Variants in YIF1B observed in about 807,000 individuals in gnomAD.
YIF1B encodes the protein protein YIF1B.
YIF1B carries 24 observed loss-of-function variants against 34.6 expected under a neutral mutation model. The observed-to-expected ratio is 0.69, with a 90% CI of 0.50 to 0.98. YIF1B has a LOEUF of 0.98. Ranked by LOEUF, YIF1B falls within the 50% of genes least tolerant of loss-of-function variation. YIF1B has a pLI of 0.00. For missense variants in YIF1B, 368 were observed against 429.4 expected, an observed-to-expected ratio of 0.86 and a Z score of 1.26; for synonymous variants, 186 against 184.8, an observed-to-expected ratio of 1.01 and a Z score of -0.05.
rs979320421 is a variant in YIF1B, at chr19:38,315,542, G to A, written c.58+318C>T. 13 of 1,459,176 alleles carry A rather than the reference G, an allele frequency of 8.9e-6. No homozygotes were observed. In the African/African-American group the frequency reaches 1.4e-4, roughly 16 times the overall value. 90.4% of individuals were successfully genotyped at this position (1,459,176 alleles called of 1,614,324 possible). On this transcript the variant is annotated intron_variant, in intron 1 of 7. Coordinates refer to ENST00000339413, the MANE Select transcript of YIF1B (RefSeq NM_001039672.3). The stretch of plus-strand genomic sequence containing the variant: ...GCCACGAAGCTGTCCTAAGGGTGTG[G>A]GCGACAGCAGGCGGGTACTGGGGAG...
At chr19:38,315,505 C>A (rs1034756915) in intron 1 of YIF1B, 3 of 1,402,632 alleles carry the variant, frequency 2.1e-6, no homozygotes, top group Non-Finnish European at 2.8e-6. Flanking sequence ...TGGCCCTCTG[C>A]GCTCCCGGGG....
In YIF1B at chr19:38,304,533, G is replaced by C. The variant is rs1473046945; in HGVS notation, c.*819C>G. The C allele has an allele frequency of 5.1e-6, 8 of 1,576,978 alleles. No homozygotes were observed. The highest frequency in any genetic ancestry group is 1.7e-4 in the Middle Eastern group (1 of 6,012). Reference sequence around the variant, plus strand: ...CGGCTGCGGAGGGGCGGGAAGGCTGGGGTTGCCCCTGACCCCAGGGTCCTG... The same window carrying C: ...CGGCTGCGGAGGGGCGGGAAGGCTGCGGTTGCCCCTGACCCCAGGGTCCTG... On this transcript the variant is annotated 3_prime_UTR_variant, in exon 8 of 8. Transcript: ENST00000339413.
upstream of YIF1B, among the ~76,000 whole-genome samples, chr19:38,317,505 C>A (rs909978172): frequency 6.6e-6 from 1 of 152,210 alleles, no homozygotes; most frequent in Non-Finnish European, 1.5e-5. Context: ...ACCATTTTCT[C>A]CTCATCCTCA....
At chr19:38,316,297 G>T (rs1369523188), upstream of YIF1B, among the ~76,000 whole-genome samples, 1 of 151,904 alleles carries the variant, frequency 6.6e-6, no homozygotes, top group African/African-American at 2.4e-5. Context: ...CTTCAGCCCA[G>T]GGATTCGAGA....
chr19:38,315,702 C>T (rs1005408290), intron 1 of YIF1B, 158 bp downstream of exon 1: 1 of 1,607,778 alleles, frequency 6.2e-7, no homozygotes, highest in African/African-American at 1.3e-5. Context: ...AATCGCCCCC[C>T]AAGGGGCCTC....
At chr19:38,308,953 G>A in intron 4 of YIF1B, 26 bp downstream of exon 4, 1 of 1,611,052 alleles carries the variant, frequency 6.2e-7, no homozygotes, top group Non-Finnish European at 8.5e-7. Context: ...GAGAGAGGAG[G>A]GTGCAGGGTA....
rs1432398890 is a variant in YIF1B, at chr19:38,304,996, T to A, written c.*356A>T. ...CTGGACAGGGCTCATTAAACCTTCC[T>A]CTCTGCCTTCTGCGACTGGTCAGCG... On this transcript the variant is annotated 3_prime_UTR_variant, in exon 8 of 8. Coordinates refer to ENST00000339413, the MANE Select transcript of YIF1B (RefSeq NM_001039672.3). The A allele has an allele frequency of 1.3e-6, 2 of 1,567,386 alleles. No homozygotes were observed. Among genetic ancestry groups the A allele is most frequent in the Admixed American group, 3.8e-5 (2 of 52,316 alleles).
Position 38,304,441 on chromosome 19 carries a change from C to G in YIF1B, c.*911G>C. 2 of 1,559,400 alleles carry G rather than the reference C, an allele frequency of 1.3e-6. No individual in the cohort carries two copies. The highest frequency in any genetic ancestry group is 1.7e-6 in the Non-Finnish European group (2 of 1,152,298). On this transcript the variant is annotated 3_prime_UTR_variant, in exon 8 of 8. Transcript: ENST00000339413. ...CACGGGGGAGATCCCAAGCTCAGTC[C>G]CCACAAAGTTCAGGGCCGGTCGGAG...
In YIF1B at chr19:38,307,770, C is replaced by A. The variant is rs374586487; in HGVS notation, c.540-18G>T. On this transcript the variant is annotated intron_variant, in intron 5 of 7. Coordinates refer to ENST00000339413, the MANE Select transcript of YIF1B (RefSeq NM_001039672.3). The stretch of plus-strand genomic sequence containing the variant: ...GGGAGAACCTGCAGGCACAAAGCCC[C>A]GCCACTTGGTTGGCTGGTTCAGACC... 1 of 1,610,708 alleles carries A rather than the reference C, an allele frequency of 6.2e-7. No individual in the cohort carries two copies. Among genetic ancestry groups the A allele is most frequent in the East Asian group, 2.2e-5 (1 of 44,812 alleles).
Position 38,304,577 on chromosome 19 carries a change from A to AG in YIF1B, c.*774dup. 2.5e-6 allele frequency: 4 copies of AG among 1,610,668 alleles called. No individual in the cohort carries two copies. Among genetic ancestry groups the AG allele is most frequent in the African/African-American group, 1.3e-5 (1 of 75,012 alleles). ...GGTCCTGCCTTAGGCCTCCAACTTC[A>AG]GGGGGCTGGGTAAGGGGCGCCGCCT... is the stretch of plus-strand genomic sequence containing the variant. On this transcript the variant is annotated 3_prime_UTR_variant, in exon 8 of 8. Transcript: ENST00000339413.
At position 38,305,111 on chromosome 19, in the gene YIF1B, C is replaced by A; in HGVS notation, c.*241G>T. On this transcript the variant is annotated 3_prime_UTR_variant, in exon 8 of 8. Coordinates refer to ENST00000339413, the MANE Select transcript of YIF1B (RefSeq NM_001039672.3). The stretch of plus-strand genomic sequence containing the variant: ...TGCGCGAGGCCAAGGAGAGGCTGTC[C>A]ACGCCATGCCCATCAGGGTTTATTG... The A allele has an allele frequency of 6.9e-7, 1 of 1,454,528 alleles. No homozygotes were observed. The highest frequency in any genetic ancestry group is 9.2e-7 in the Non-Finnish European group (1 of 1,090,392). The allele number at this position is 1,454,528 out of a possible 1,614,324, so 90.1% of individuals were successfully genotyped here.
At chr19:38,315,204 C>T (rs993031837) in intron 1 of YIF1B, among the ~76,000 whole-genome samples, 3 of 149,450 alleles carry the variant, frequency 2.0e-5, no homozygotes, top group African/African-American at 7.4e-5. Flanking sequence ...GAGATCGCGC[C>T]ATTGCACTCC....
upstream of YIF1B, among the ~76,000 whole-genome samples, chr19:38,318,029 C>G (rs1202294212): frequency 6.6e-6 from 1 of 150,904 alleles, no homozygotes; most frequent in Admixed American, 6.6e-5. Context: ...CCTGTCTCTA[C>G]TTAAAATACA....
Position 38,305,499 on chromosome 19 carries a change from C to A in YIF1B, c.798G>T (p.Thr266=). 6.2e-7 allele frequency: 1 copy of A among 1,603,256 alleles called. No homozygotes were observed. The highest frequency in any genetic ancestry group is 8.5e-7 in the Non-Finnish European group (1 of 1,172,492). Residue 266 remains threonine (T), a synonymous_variant, in exon 8 of 8, where the codon ACG becomes ACT. Transcript: ENST00000339413. Reference sequence around the variant, plus strand: ...CGTCTGCCAAGATCTTCAGCCGCAGCGTCCGGATCTGGGTGGGAAAGAGAG... The same window carrying A: ...CGTCTGCCAAGATCTTCAGCCGCAGAGTCCGGATCTGGGTGGGAAAGAGAG... ...CVAIFVFMIR[T]LRLKILADAA...
At position 38,309,489 on chromosome 19, in the gene YIF1B, G is replaced by C; in HGVS notation, c.213C>G (p.Ala71=). The C allele has an allele frequency of 6.2e-7, 1 of 1,613,586 alleles. No individual in the cohort carries two copies. The highest frequency in any genetic ancestry group is 1.1e-5 in the South Asian group (1 of 91,036). ...YPAASPTPHA[A]FLADPVSNMA... The stretch of plus-strand genomic sequence containing the variant: ...TGTTGGACACCGGGTCAGCCAGGAA[G>C]GCTGCATGGGGCGTGGGAGAGGCTG... Residue 71 remains alanine, a synonymous_variant, in exon 2 of 8, where the codon GCC becomes GCG. Transcript: ENST00000339413.
intron 7 of YIF1B, among the ~76,000 whole-genome samples, chr19:38,305,880 C>T (rs1969002212): frequency 6.6e-6 from 1 of 152,126 alleles, no homozygotes; most frequent in African/African-American, 2.4e-5. Flanking sequence ...TGAAGACACG[C>T]CAGAAATGCT....
chr19:38,305,514 G>A lies in YIF1B; in HGVS notation c.790-7C>T, dbSNP rs1968974747. 5 of 1,595,118 alleles carry A rather than the reference G, an allele frequency of 3.1e-6. No individual in the cohort carries two copies. The East Asian group carries it at 1.1e-4, about 36-fold the overall frequency. On this transcript the variant is annotated splice_region_variant and splice_polypyrimidine_tract_variant and intron_variant, in intron 7 of 7. Coordinates refer to ENST00000339413, the MANE Select transcript of YIF1B (RefSeq NM_001039672.3). Reference sequence around the variant, plus strand: ...TCAGCCGCAGCGTCCGGATCTGGGTGGGAAAGAGAGAGAGGAACCAAGGGA... The same window carrying A: ...TCAGCCGCAGCGTCCGGATCTGGGTAGGAAAGAGAGAGAGGAACCAAGGGA...
chr19:38,309,811 T>C, intron 1 of YIF1B, 168 bp from the exon 2 acceptor site: 2 of 1,431,626 alleles, frequency 1.4e-6, no homozygotes, highest in Non-Finnish European at 9.1e-7. Flanking sequence ...AGCTCTGCCA[T>C]TCATCCACCA....
upstream of YIF1B, among the ~76,000 whole-genome samples, chr19:38,320,511 C>T (rs1318248482): frequency 1.3e-5 from 2 of 151,922 alleles, no homozygotes; most frequent in Non-Finnish European, 2.9e-5. Flanking sequence ...CTCAGAGTAC[C>T]TTTGCAGAGA....
Sources: allele counts gnomAD v4.1 joint callset (sites outside exome capture counted in the v4.1 genomes callset), GRCh38; gene constraint gnomAD v4.1.1; transcripts MANE v1.5; gene names NCBI Gene and HGNC (gene_info 2026-07-23, HGNC 2026-07-21).